TM9SF3: variants seen among roughly 807,000 people sequenced by gnomAD.
The protein encoded by TM9SF3 is SM-11044-binding protein.
Under a neutral mutation model 78.6 loss-of-function variants are expected in TM9SF3, and 14 were observed. That is an observed-to-expected ratio of 0.18 (90% CI 0.12 to 0.28). TM9SF3 has a LOEUF of 0.28. TM9SF3 is among the 10% of genes least tolerant of loss of function. The pLI, the probability that TM9SF3 is intolerant of heterozygous loss-of-function variation, is 1.00. For missense variants in TM9SF3, 496 were observed against 721.9 expected, an observed-to-expected ratio of 0.69 and a Z score of 3.59; for synonymous variants, 231 against 241.7, an observed-to-expected ratio of 0.96 and a Z score of 0.41.
At chr10:96,557,133 T>C (rs570461727) in intron 5 of TM9SF3, among the ~76,000 whole-genome samples, 28 of 152,342 alleles carry the variant, frequency 1.8e-4, no homozygotes, top group Middle Eastern at 6.8e-3. Context: ...GCCACAAATA[T>C]GATCTATATG....
rs1847728335 is a variant in TM9SF3, at chr10:96,519,057, C to T, written c.*3206G>A. 1 of 152,008 alleles carries T rather than the reference C, an allele frequency of 6.6e-6. No homozygotes were observed. Among genetic ancestry groups the T allele is most frequent in the Admixed American group, 6.6e-5 (1 of 15,256 alleles). The allele number at this position is 152,008 out of a possible 1,614,324, so 9.4% of individuals were successfully genotyped here. A position where few individuals can be genotyped will look rare whatever the true frequency, so the allele number is the denominator to read the frequency against. On this transcript the variant is annotated 3_prime_UTR_variant, in exon 15 of 15. Coordinates refer to ENST00000371142, the MANE Select transcript of TM9SF3 (RefSeq NM_020123.4). ...CCACCACAGAATTCATATACAAAAG[C>T]CCTTCGGTATGTAGCTTTTCCTGAA...
chr10:96,567,303 T>C (rs1254843419), intron 2 of TM9SF3, among the ~76,000 whole-genome samples: 1 of 152,160 alleles, frequency 6.6e-6, no homozygotes, highest in Non-Finnish European at 1.5e-5. Context: ...CAGGCTGGTC[T>C]TGAACTCCTG....
At chr10:96,567,260 A>G (rs895233461) in intron 2 of TM9SF3, among the ~76,000 whole-genome samples, 12 of 151,732 alleles carry the variant, frequency 7.9e-5, no homozygotes, top group African/African-American at 2.9e-4. Flanking sequence ...AATTTTTTGT[A>G]TTTTTAGTAG....
intron 12 of TM9SF3, among the ~76,000 whole-genome samples, chr10:96,527,775 A>G (rs1197331568): frequency 6.6e-6 from 1 of 152,106 alleles, no homozygotes; most frequent in Non-Finnish European, 1.5e-5. Flanking sequence ...GAATGGAGCA[A>G]TGCTTCTCAT....
At chr10:96,583,080 CAA>C (rs113343282) in intron 1 of TM9SF3, among the ~76,000 whole-genome samples, 4 of 78,678 alleles carry the variant, frequency 5.1e-5, no homozygotes, top group Non-Finnish European at 7.9e-5. Context: ...AACATAGTCT[CAA>C]AAAAAAAAAA....
At chr10:96,533,939 T>C (rs1308420718) in intron 9 of TM9SF3, among the ~76,000 whole-genome samples, 1 of 152,186 alleles carries the variant, frequency 6.6e-6, no homozygotes. Context: ...CGGCCAACCA[T>C]CTAATTAAGA....
At chr10:96,555,280 G>T (rs1848222253) in intron 5 of TM9SF3, among the ~76,000 whole-genome samples, 2 of 151,718 alleles carry the variant, frequency 1.3e-5, no homozygotes, top group Admixed American at 1.3e-4. Context: ...CCCTCTTCAA[G>T]AATCCACAAG....
chr10:96,536,247 G>T lies in TM9SF3; in HGVS notation c.1186-3057C>A, dbSNP rs187668674. ...CTAAATGCCTTCCTGCCAAGATTGG[G>T]AACAAAGAAAGGATGTCTGCTCTTG... is the stretch of plus-strand genomic sequence containing the variant. On this transcript the variant is annotated intron_variant, in intron 9 of 14. Transcript: ENST00000371142. 3.7e-3 allele frequency among the ~76,000 whole-genome samples: 569 copies of T among 152,152 alleles called. 6 individuals are homozygous for T. The highest frequency in any genetic ancestry group is 0.014 in the Middle Eastern group (4 of 294).
At chr10:96,525,739 T>C (rs1309348153) in intron 14 of TM9SF3, among the ~76,000 whole-genome samples, 1 of 152,084 alleles carries the variant, frequency 6.6e-6, no homozygotes, top group African/African-American at 2.4e-5. Flanking sequence ...ACATCATTCC[T>C]ACAAAGTAAC....
At position 96,547,954 on chromosome 10, in the gene TM9SF3, T is replaced by C; in HGVS notation, c.995A>G (p.Tyr332Cys). Reference sequence around the variant, plus strand: ...ACCATTCACTGGAGACGTAGCAGCATAGACAAATATGGCTGTACTGAGCAT... The same window carrying C: ...ACCATTCACTGGAGACGTAGCAGCACAGACAAATATGGCTGTACTGAGCAT... ...GSMLSTAIFVYAATSPVNGYF... is the reference protein window; with the variant it reads ...GSMLSTAIFVCAATSPVNGYF... Residue 332 changes from tyrosine to cysteine, a missense_variant, in exon 8 of 15, where the codon TAT (tyrosine) becomes TGT (cysteine). By Grantham distance (194) the Tyr-to-Cys change is radical. Transcript: ENST00000371142. The C allele has an allele frequency of 6.2e-7, 1 of 1,613,530 alleles. No individual in the cohort carries two copies. The highest frequency in any genetic ancestry group is 8.5e-7 in the Non-Finnish European group (1 of 1,179,828).
chr10:96,581,097 A>G (rs1184188291), intron 1 of TM9SF3, among the ~76,000 whole-genome samples: 2 of 152,238 alleles, frequency 1.3e-5, no homozygotes, highest in Admixed American at 6.5e-5. Context: ...GCCTGAAAGA[A>G]AAAAAACCTT....
At chr10:96,539,297 T>C (rs1017929373) in intron 9 of TM9SF3, among the ~76,000 whole-genome samples, 5 of 97,492 alleles carry the variant, frequency 5.1e-5, no homozygotes, top group Non-Finnish European at 1.0e-4. Context: ...ATGGTGAAAC[T>C]GTTTGAGCCG....
rs1362239253 is a variant in TM9SF3, at chr10:96,520,754, C to T, written c.*1509G>A. ...TACCCCATCCCCACTTTACACGGTA[C>T]ACCAACCTGAACAGATTTTGTGCCA... On this transcript the variant is annotated 3_prime_UTR_variant, in exon 15 of 15. Coordinates refer to ENST00000371142, the MANE Select transcript of TM9SF3 (RefSeq NM_020123.4). 3 of 393,762 alleles carry T rather than the reference C, an allele frequency of 7.6e-6. No individual in the cohort carries two copies. The highest frequency in any genetic ancestry group is 1.3e-5 in the Non-Finnish European group (3 of 222,558). The allele number at this position is 393,762 out of a possible 1,614,324, so 24.4% of individuals were successfully genotyped here.
At chr10:96,564,221 G>T (rs1353406081) in intron 3 of TM9SF3, among the ~76,000 whole-genome samples, 1 of 151,884 alleles carries the variant, frequency 6.6e-6, no homozygotes, top group Non-Finnish European at 1.5e-5. Context: ...AAGCCCAGGA[G>T]TCTGAGGCTA....
Position 96,586,864 on chromosome 10 carries a change from C to T in TM9SF3, c.-29G>A, listed in dbSNP as rs1848639434. 6.7e-6 allele frequency: 8 copies of T among 1,191,690 alleles called. No homozygotes were observed. Among genetic ancestry groups the T allele is most frequent in the African/African-American group, 3.3e-5 (2 of 60,250 alleles). 73.8% of individuals were successfully genotyped at this position (1,191,690 alleles called of 1,614,324 possible). On this transcript the variant is annotated 5_prime_UTR_variant, in exon 1 of 15. Coordinates refer to ENST00000371142, the MANE Select transcript of TM9SF3 (RefSeq NM_020123.4). ...CCGCGCCCCTCCGGCCCGGAGCCGG[C>T]TCACCGACTCCTCCTCCCGCCGCCG...
chr10:96,524,338 A>C (rs1349597411), intron 14 of TM9SF3, among the ~76,000 whole-genome samples: 1 of 151,922 alleles, frequency 6.6e-6, no homozygotes, highest in East Asian at 1.9e-4. Flanking sequence ...ACAGGATAAG[A>C]GAAAAATCAT....
In TM9SF3 at chr10:96,586,939, C is replaced by G; in HGVS notation, c.-104G>C. ...CCGCGGCCGATTCGCATCCACGGGGCGCGGACAGACGCACGGGGCCCGGCC... is the reference window on the plus strand; with the variant it reads ...CCGCGGCCGATTCGCATCCACGGGGGGCGGACAGACGCACGGGGCCCGGCC... On this transcript the variant is annotated 5_prime_UTR_variant, in exon 1 of 15. Transcript: ENST00000371142. The G allele has an allele frequency of 2.4e-5, 22 of 920,846 alleles. No homozygotes were observed. The highest frequency in any genetic ancestry group is 3.0e-5 in the Non-Finnish European group (22 of 733,334). The allele number at this position is 920,846 out of a possible 1,614,324, so 57.0% of individuals were successfully genotyped here.
intron 2 of TM9SF3, among the ~76,000 whole-genome samples, chr10:96,567,495 C>T (rs1252705904): frequency 6.6e-6 from 1 of 152,186 alleles, no homozygotes; most frequent in Non-Finnish European, 1.5e-5. Flanking sequence ...AATTCCCACA[C>T]ACCCTGTGCT....
intron 10 of TM9SF3, among the ~76,000 whole-genome samples, chr10:96,530,861 C>T (rs754984505): frequency 1.3e-5 from 2 of 152,172 alleles, no homozygotes; most frequent in Non-Finnish European, 2.9e-5. Flanking sequence ...ATTACTGACA[C>T]TGGCAGAACT....
Sources: allele counts gnomAD v4.1 joint callset (sites outside exome capture counted in the v4.1 genomes callset), GRCh38; gene constraint gnomAD v4.1.1; transcripts MANE v1.5; gene names NCBI Gene and HGNC (gene_info 2026-07-23, HGNC 2026-07-21).